The following GAREM1 variants were observed in gnomAD, a reference collection of about 807,000 sequenced individuals.
GAREM1 encodes GRB2-associated and regulator of MAPK protein 1.
In GAREM1, 26 loss-of-function variants were observed where a neutral mutation model predicts 71.3. The ratio of observed to expected loss-of-function variants is 0.36; its 90% CI spans 0.27 to 0.51. The LOEUF (loss-of-function observed/expected upper bound fraction) is 0.51, where lower values mean the gene tolerates loss of function less well. Among genes scored for constraint, GAREM1 ranks in the 20% least tolerant of loss-of-function variants. The pLI, the probability that GAREM1 is intolerant of heterozygous loss-of-function variation, is 0.95. For synonymous variants in GAREM1, 440 were observed against 433.2 expected, an observed-to-expected ratio of 1.02 and a Z score of -0.20; for missense variants, 1,026 against 1,103.1, an observed-to-expected ratio of 0.93 and a Z score of 0.99.
chr18:32,382,820 C>T (rs2048110298), intron 2 of GAREM1, among the ~76,000 whole-genome samples: 1 of 152,076 alleles, frequency 6.6e-6, no homozygotes, highest in South Asian at 2.1e-4. Flanking sequence ...TGCATAATTA[C>T]TCTGTGGGTC....
At chr18:32,318,652 G>C (rs672867) in intron 2 of GAREM1, among the ~76,000 whole-genome samples, 25,645 of 152,148 alleles carry the variant, frequency 0.17, 2,426 homozygotes, top group African/African-American at 0.25. Flanking sequence ...GCCATCACCA[G>C]TGGCAGTCAG....
intron 2 of GAREM1, among the ~76,000 whole-genome samples, chr18:32,356,935 T>C (rs2047812413): frequency 1.3e-5 from 2 of 152,192 alleles, no homozygotes; most frequent in Non-Finnish European, 2.9e-5. Context: ...ATTGTATGTA[T>C]AATTTTAAAA....
chr18:32,276,919 C>T lies in GAREM1; in HGVS notation c.1567-6536G>A, dbSNP rs375132963. On this transcript the variant is annotated intron_variant, in intron 4 of 5. Coordinates refer to ENST00000269209, the MANE Select transcript of GAREM1 (RefSeq NM_001242409.2). ...AGGAGGGGAAAAACAGGTAACTACA[C>T]TTTAGTGCTCACAGAGCAGAATCAT... is the stretch of plus-strand genomic sequence containing the variant. Among the ~76,000 whole-genome samples the T allele has an allele frequency of 2.6e-4, 39 of 152,264 alleles. 1 individual carries two copies. In the South Asian group the frequency reaches 7.7e-3, roughly 30 times the overall value.
intron 2 of GAREM1, among the ~76,000 whole-genome samples, chr18:32,327,634 G>A (rs2047486761): frequency 6.6e-6 from 1 of 152,192 alleles, no homozygotes; most frequent in African/African-American, 2.4e-5. Flanking sequence ...CCTAGAGTGT[G>A]ACTGGATATT....
At chr18:32,294,698 T>C (rs944965231) in intron 3 of GAREM1, among the ~76,000 whole-genome samples, 1 of 152,220 alleles carries the variant, frequency 6.6e-6, no homozygotes, top group South Asian at 2.1e-4. Context: ...ATATGTTTTA[T>C]TGCTATTTTG....
chr18:32,362,599 T>C (rs1218318054), intron 2 of GAREM1, among the ~76,000 whole-genome samples: 1 of 152,216 alleles, frequency 6.6e-6, no homozygotes, highest in Non-Finnish European at 1.5e-5. Context: ...TAAATTTATA[T>C]GGTTTAACCA....
At chr18:32,410,406 T>C (rs1426711873) in intron 1 of GAREM1, among the ~76,000 whole-genome samples, 1 of 152,194 alleles carries the variant, frequency 6.6e-6, no homozygotes, top group Non-Finnish European at 1.5e-5. Context: ...TGGAGTGCAT[T>C]GGCATGATCA....
chr18:32,411,197 A>C (rs913698560), intron 1 of GAREM1, among the ~76,000 whole-genome samples: 6 of 152,346 alleles, frequency 3.9e-5, no homozygotes, highest in Non-Finnish European at 7.4e-5. Flanking sequence ...AAGAAAATGC[A>C]CTAAGGTGCA....
At chr18:32,282,027 C>T (rs2046957398) in intron 4 of GAREM1, among the ~76,000 whole-genome samples, 1 of 152,102 alleles carries the variant, frequency 6.6e-6, no homozygotes, top group African/African-American at 2.4e-5. Context: ...CCTTGCGACC[C>T]CCACTCCTGC....
chr18:32,280,935 C>A (rs1036531247), intron 4 of GAREM1, among the ~76,000 whole-genome samples: 2 of 152,102 alleles, frequency 1.3e-5, no homozygotes, highest in Non-Finnish European at 2.9e-5. Flanking sequence ...TTCTCTCCAT[C>A]CCTTAGTCAA....
At chr18:32,414,387 G>T (rs1206754133) in intron 1 of GAREM1, among the ~76,000 whole-genome samples, 1 of 151,950 alleles carries the variant, frequency 6.6e-6, no homozygotes, top group Non-Finnish European at 1.5e-5. Flanking sequence ...ATAAACATAT[G>T]AGTTATTTTT....
chr18:32,450,209 C>A (rs908608884), intron 1 of GAREM1, among the ~76,000 whole-genome samples: 1 of 152,168 alleles, frequency 6.6e-6, no homozygotes, highest in Admixed American at 6.5e-5. Flanking sequence ...ATCTTCTGTT[C>A]CGACTGTAAC....
intron 2 of GAREM1, among the ~76,000 whole-genome samples, chr18:32,314,584 T>TTTG (rs200870673): frequency 1.4e-5 from 2 of 146,096 alleles, no homozygotes; most frequent in African/African-American, 5.4e-5. Flanking sequence ...TGGGTCACTT[T>TTTG]TTGTTGTTGT....
chr18:32,382,956 C>A (rs1256054401), intron 2 of GAREM1, among the ~76,000 whole-genome samples: 1 of 152,156 alleles, frequency 6.6e-6, no homozygotes, highest in Non-Finnish European at 1.5e-5. Flanking sequence ...GTAATTGCCA[C>A]TGAGAAACGT....
intron 2 of GAREM1, among the ~76,000 whole-genome samples, chr18:32,342,641 T>C (rs1485638399): frequency 6.6e-6 from 1 of 152,224 alleles, no homozygotes; most frequent in East Asian, 1.9e-4. Context: ...CAAAATTGTC[T>C]GATTGTCTCT....
At chr18:32,420,591 T>TA (rs1281787117) in intron 1 of GAREM1, among the ~76,000 whole-genome samples, 1 of 151,926 alleles carries the variant, frequency 6.6e-6, no homozygotes, top group Non-Finnish European at 1.5e-5. Flanking sequence ...GGGAAGTTTG[T>TA]AAAAAACGTT....
intron 1 of GAREM1, among the ~76,000 whole-genome samples, chr18:32,469,924 C>T (rs2049033189): frequency 6.6e-6 from 1 of 152,088 alleles, no homozygotes; most frequent in South Asian, 2.1e-4. Context: ...AATTAAGATG[C>T]CACCCGGAGC....
intron 1 of GAREM1, among the ~76,000 whole-genome samples, chr18:32,410,792 G>C (rs58220828): frequency 2.0e-5 from 3 of 152,066 alleles, no homozygotes; most frequent in Non-Finnish European, 4.4e-5. Flanking sequence ...CAACAAATAC[G>C]ACTTCGGTTT....
intron 2 of GAREM1, among the ~76,000 whole-genome samples, chr18:32,386,247 T>G (rs2048146266): frequency 1.3e-5 from 2 of 152,218 alleles, no homozygotes; most frequent in Admixed American, 1.3e-4. Context: ...AGAATAAAAT[T>G]AGCTTGTTTC....
Sources: gnomAD v4.1 joint callset for allele counts (sites outside exome capture counted in the v4.1 genomes callset) on GRCh38, gnomAD v4.1.1 for gene constraint, MANE v1.5 for transcripts, NCBI Gene and HGNC (gene_info 2026-07-23, HGNC 2026-07-21) for gene names.